Variants in SPATA16 observed in about 807,000 individuals in gnomAD.
SPATA16 encodes spermatogenesis associated 16.
A neutral mutation model predicts 63.3 loss-of-function variants in SPATA16; 36 were observed. That is an observed-to-expected ratio of 0.57 (90% CI 0.44 to 0.75). The LOEUF (loss-of-function observed/expected upper bound fraction) is 0.75. Ranked by LOEUF, SPATA16 falls within the 30% of genes least tolerant of loss-of-function variation. The pLI, the probability that SPATA16 is intolerant of heterozygous loss-of-function variation, is 0.00. For missense variants in SPATA16, 646 were observed against 679.3 expected, an observed-to-expected ratio of 0.95 and a Z score of 0.54; for synonymous variants, 203 against 216.7, an observed-to-expected ratio of 0.94 and a Z score of 0.56.
At chr3:173,010,856 C>T (rs1735055968) in intron 4 of SPATA16, among the ~76,000 whole-genome samples, 1 of 152,018 alleles carries the variant, frequency 6.6e-6, no homozygotes, top group Non-Finnish European at 1.5e-5. Flanking sequence ...TGAGGCTGCC[C>T]CTCCCCATTA....
intron 4 of SPATA16, among the ~76,000 whole-genome samples, chr3:172,985,128 C>A (rs1172083711): frequency 6.6e-6 from 1 of 152,164 alleles, no homozygotes; most frequent in African/African-American, 2.4e-5. Flanking sequence ...GATGCCTGGT[C>A]CTCCTCCCTT....
chr3:172,915,483 C>T (rs1732461181), intron 9 of SPATA16, among the ~76,000 whole-genome samples: 1 of 151,874 alleles, frequency 6.6e-6, no homozygotes, highest in Non-Finnish European at 1.5e-5. Context: ...CAATTCAGGG[C>T]TATAATTAGT....
At chr3:173,018,665 C>T (rs1230167799) in intron 4 of SPATA16, among the ~76,000 whole-genome samples, 2 of 152,140 alleles carry the variant, frequency 1.3e-5, no homozygotes, top group Non-Finnish European at 2.9e-5. Context: ...TCACCTGCAA[C>T]CTAGGCACCC....
chr3:173,053,526 T>C (rs1736149013), intron 2 of SPATA16, among the ~76,000 whole-genome samples: 1 of 152,202 alleles, frequency 6.6e-6, no homozygotes, highest in South Asian at 2.1e-4. Flanking sequence ...TCAAGATTTG[T>C]TTAAAAACAG....
At position 172,927,699 on chromosome 3, in the gene SPATA16, T is replaced by A. The variant is rs138502386; in HGVS notation, c.1082-2207A>T. On this transcript the variant is annotated intron_variant, in intron 6 of 10. Coordinates refer to ENST00000351008, the MANE Select transcript of SPATA16 (RefSeq NM_031955.6). ...CAGAATTGAAAATCAGGCAGCTGGA[T>A]GCCAAAGTACAAAGGCTTACCACTC... Among the ~76,000 whole-genome samples, 1,113 of 152,292 alleles carry A rather than the reference T, an allele frequency of 7.3e-3. 9 individuals carry two copies. The highest frequency in any genetic ancestry group is 0.024 in the Middle Eastern group (7 of 294).
intron 1 of SPATA16, among the ~76,000 whole-genome samples, chr3:173,120,689 T>TTC (rs1290210082): frequency 6.6e-6 from 1 of 152,078 alleles, no homozygotes; most frequent in South Asian, 2.1e-4. Flanking sequence ...AGCATAATTG[T>TTC]TCTCTCTCTC....
At chr3:173,132,978 A>G (rs1018391645) in intron 1 of SPATA16, among the ~76,000 whole-genome samples, 3 of 152,172 alleles carry the variant, frequency 2.0e-5, no homozygotes, top group African/African-American at 7.2e-5. Context: ...GTGCTTAAGA[A>G]AGCTACACCT....
At chr3:173,029,305 A>G (rs887348493) in intron 3 of SPATA16, among the ~76,000 whole-genome samples, 4 of 151,980 alleles carry the variant, frequency 2.6e-5, no homozygotes, top group African/African-American at 7.2e-5. Flanking sequence ...CAAACTAACA[A>G]GTTAGCTTGA....
intron 2 of SPATA16, among the ~76,000 whole-genome samples, chr3:173,082,180 G>C (rs1736939686): frequency 6.6e-6 from 1 of 152,120 alleles, no homozygotes; most frequent in Admixed American, 6.6e-5. Context: ...CCTGGGGTAA[G>C]AATTCAAAGG....
At chr3:172,943,221 A>G (rs1342579478) in intron 6 of SPATA16, among the ~76,000 whole-genome samples, 4 of 152,238 alleles carry the variant, frequency 2.6e-5, no homozygotes, top group Non-Finnish European at 5.9e-5. Flanking sequence ...AGGTTCGACA[A>G]TGTCAAAACA....
intron 4 of SPATA16, among the ~76,000 whole-genome samples, chr3:173,005,154 C>A (rs1454867749): frequency 6.6e-6 from 1 of 151,940 alleles, no homozygotes; most frequent in Non-Finnish European, 1.5e-5. Flanking sequence ...AACCCTGTCT[C>A]TACTAAAACA....
chr3:173,095,686 A>G (rs1262711801), intron 2 of SPATA16, among the ~76,000 whole-genome samples: 1 of 152,162 alleles, frequency 6.6e-6, no homozygotes, highest in Admixed American at 6.6e-5. Flanking sequence ...TAGTAGGAAG[A>G]CTCAAATTAT....
At chr3:173,074,264 A>G (rs1413890333) in intron 2 of SPATA16, among the ~76,000 whole-genome samples, 2 of 152,150 alleles carry the variant, frequency 1.3e-5, no homozygotes, top group Non-Finnish European at 2.9e-5. Flanking sequence ...TTGGGAAGGC[A>G]TGATTGGTTT....
Position 173,032,573 on chromosome 3 carries a change from C to T in SPATA16, c.759-12998G>A, listed in dbSNP as rs370518244. ...AAAATAAGAACTTTTAGAAGGGAGT[C>T]GCCTAGGGCTTCAAGCCTTCCATGT... On this transcript the variant is annotated intron_variant, in intron 3 of 10. Coordinates refer to ENST00000351008, the MANE Select transcript of SPATA16 (RefSeq NM_031955.6). Among the ~76,000 whole-genome samples the T allele has an allele frequency of 5.3e-5, 8 of 152,178 alleles. No individual in the cohort carries two copies. In the East Asian group the frequency reaches 9.7e-4, roughly 18 times the overall value.
At chr3:173,107,635 C>T (rs1351956486) in intron 2 of SPATA16, among the ~76,000 whole-genome samples, 1 of 151,972 alleles carries the variant, frequency 6.6e-6, no homozygotes, top group Non-Finnish European at 1.5e-5. Context: ...TCTAGATAAC[C>T]TGAATTGAAA....
intron 3 of SPATA16, among the ~76,000 whole-genome samples, chr3:173,030,237 T>C (rs868692483): frequency 6.6e-6 from 1 of 151,906 alleles, no homozygotes; most frequent in South Asian, 2.1e-4. Context: ...TCGGACTGTA[T>C]CAAAATTAAA....
At chr3:172,943,190 A>T (rs1434283548) in intron 6 of SPATA16, among the ~76,000 whole-genome samples, 1 of 152,234 alleles carries the variant, frequency 6.6e-6, no homozygotes, top group African/African-American at 2.4e-5. Context: ...AGTTAAACGT[A>T]AGAAAAAGGA....
intron 6 of SPATA16, among the ~76,000 whole-genome samples, chr3:172,936,768 C>T (rs938334223): frequency 7.2e-5 from 11 of 152,192 alleles, no homozygotes; most frequent in Admixed American, 5.9e-4. Flanking sequence ...CATGCAATGG[C>T]GTGATCTCGG....
intron 2 of SPATA16, among the ~76,000 whole-genome samples, chr3:173,086,336 T>A (rs2108316251): frequency 6.6e-6 from 1 of 152,312 alleles, no homozygotes; most frequent in Middle Eastern, 3.4e-3. Context: ...GTGTTTATAG[T>A]ATTCTCTCTG....
Sources: allele counts gnomAD v4.1 joint callset (sites outside exome capture counted in the v4.1 genomes callset), GRCh38; gene constraint gnomAD v4.1.1; transcripts MANE v1.5; gene names NCBI Gene and HGNC (gene_info 2026-07-23, HGNC 2026-07-21).